The following DPP10 variants were observed in gnomAD, a reference collection of about 807,000 sequenced individuals.
DPP10 encodes the protein dipeptidyl peptidase like 10, also known as inactive dipeptidyl peptidase 10.
DPP10 carries 33 observed loss-of-function variants against 120.9 expected under a neutral mutation model. The observed-to-expected ratio is 0.27, with a 90% CI of 0.21 to 0.37. The LOEUF (loss-of-function observed/expected upper bound fraction) is 0.37. Ranked by LOEUF, DPP10 falls within the 10% of genes least tolerant of loss-of-function variation. The probability of loss-of-function intolerance (pLI) is 1.00; values close to 1 mark genes in which losing one functional copy is unlikely to be tolerated. For synonymous variants in DPP10, 337 were observed against 326.1 expected, an observed-to-expected ratio of 1.03 and a Z score of -0.36; for missense variants, 816 against 942.8, an observed-to-expected ratio of 0.87 and a Z score of 1.76.
At chr2:114,554,190 C>T (rs1269918986) in intron 1 of DPP10, among the ~76,000 whole-genome samples, 1 of 152,208 alleles carries the variant, frequency 6.6e-6, no homozygotes, top group African/African-American at 2.4e-5. Flanking sequence ...CTGACCCACC[C>T]CAGCCCCTAG....
intron 1 of DPP10, among the ~76,000 whole-genome samples, chr2:114,932,883 T>C (rs1696185342): frequency 6.6e-6 from 1 of 152,204 alleles, no homozygotes; most frequent in South Asian, 2.1e-4. Flanking sequence ...GCCTCACTCC[T>C]ACTACTTACT....
intron 1 of DPP10, among the ~76,000 whole-genome samples, chr2:114,762,985 G>T (rs2106109792): frequency 6.6e-6 from 1 of 152,240 alleles, no homozygotes; most frequent in Non-Finnish European, 1.5e-5. Flanking sequence ...ATATGTCATT[G>T]GGAGATTGGG....
At position 115,343,997 on chromosome 2, in the gene DPP10, G is replaced by A. The variant is rs146872459; in HGVS notation, c.271+85G>A. The stretch of plus-strand genomic sequence containing the variant: ...AAAAAATGAGATGTGTAAGCTGGGC[G>A]CAATGGCTTATGCCTGTCATCCCAG... On this transcript the variant is annotated intron_variant, in intron 3 of 25. Coordinates refer to ENST00000410059, the MANE Select transcript of DPP10 (RefSeq NM_020868.6). 38 of 1,115,956 alleles carry A rather than the reference G, an allele frequency of 3.4e-5. No individual in the cohort carries two copies. The East Asian group carries it at 5.7e-4, about 17-fold the overall frequency. 69.1% of individuals were successfully genotyped at this position (1,115,956 alleles called of 1,614,324 possible).
At chr2:114,978,688 C>T (rs894344578) in intron 1 of DPP10, among the ~76,000 whole-genome samples, 1 of 152,034 alleles carries the variant, frequency 6.6e-6, no homozygotes, top group Non-Finnish European at 1.5e-5. Flanking sequence ...CTGTAGAAGA[C>T]CCTTTAAATA....
At chr2:115,253,171 G>T (rs1392067054) in intron 1 of DPP10, among the ~76,000 whole-genome samples, 2 of 152,106 alleles carry the variant, frequency 1.3e-5, no homozygotes, top group East Asian at 3.9e-4. Context: ...GCAGGAGAGG[G>T]AGTGGGGGAG....
At chr2:115,617,163 C>G (rs1007486639) in intron 5 of DPP10, among the ~76,000 whole-genome samples, 3 of 149,464 alleles carry the variant, frequency 2.0e-5, no homozygotes, top group South Asian at 2.1e-4. Flanking sequence ...GAGGCTTATA[C>G]AGTAGTTACC....
chr2:114,897,600 T>A (rs1395900137), intron 1 of DPP10, among the ~76,000 whole-genome samples: 2 of 151,910 alleles, frequency 1.3e-5, no homozygotes, highest in Non-Finnish European at 2.9e-5. Context: ...CCTACTCATC[T>A]GACAAAGGGC....
intron 1 of DPP10, among the ~76,000 whole-genome samples, chr2:114,694,448 C>A (rs1229339866): frequency 6.6e-6 from 1 of 151,830 alleles, no homozygotes; most frequent in Non-Finnish European, 1.5e-5. Context: ...GAAATCAACA[C>A]TATGAACTCA....
chr2:114,978,202 C>A (rs1198001858), intron 1 of DPP10, among the ~76,000 whole-genome samples: 7 of 152,108 alleles, frequency 4.6e-5, no homozygotes, highest in Admixed American at 3.9e-4. Context: ...TATTTCCTGT[C>A]CAATATGGTT....
chr2:115,081,863 T>C (rs1449105419), intron 1 of DPP10, among the ~76,000 whole-genome samples: 3 of 152,226 alleles, frequency 2.0e-5, no homozygotes, highest in Non-Finnish European at 2.9e-5. Flanking sequence ...TCTCAGTTTA[T>C]CAAGAAGGAG....
intron 5 of DPP10, among the ~76,000 whole-genome samples, chr2:115,580,538 T>G (rs2081950234): frequency 6.6e-6 from 1 of 152,168 alleles, no homozygotes; most frequent in South Asian, 2.1e-4. Flanking sequence ...ATCTTCCTCT[T>G]CACATGTGCT....
At chr2:115,162,074 C>A in intron 1 of DPP10, 1 of 1,477,620 alleles carries the variant, frequency 6.8e-7, no homozygotes, top group Non-Finnish European at 9.0e-7. Context: ...AGGGGTGGCT[C>A]CAGTGCGCGC....
chr2:115,161,472 G>A (rs1454061954), intron 1 of DPP10: 1 of 151,542 alleles, frequency 6.6e-6, no homozygotes, highest in Non-Finnish European at 1.5e-5. Context: ...GCGCCGCTCC[G>A]GGCTCTCCCC....
chr2:114,700,014 A>G (rs1700296414), intron 1 of DPP10, among the ~76,000 whole-genome samples: 1 of 152,020 alleles, frequency 6.6e-6, no homozygotes, highest in African/African-American at 2.4e-5. Context: ...GGCTGTACTG[A>G]TTCTGTGGCT....
At chr2:114,650,984 A>C (rs1696539897) in intron 1 of DPP10, among the ~76,000 whole-genome samples, 1 of 152,124 alleles carries the variant, frequency 6.6e-6, no homozygotes, top group African/African-American at 2.4e-5. Context: ...TTTTCTTAGA[A>C]ATACTTAGGG....
At chr2:114,709,818 G>A (rs1215986031) in intron 1 of DPP10, among the ~76,000 whole-genome samples, 3 of 152,112 alleles carry the variant, frequency 2.0e-5, no homozygotes, top group Admixed American at 6.5e-5. Flanking sequence ...ATCCCTGAAA[G>A]CCTATTATCT....
At chr2:115,306,359 T>C (rs531673198) in intron 1 of DPP10, among the ~76,000 whole-genome samples, 22 of 152,054 alleles carry the variant, frequency 1.4e-4, no homozygotes, top group Admixed American at 1.4e-3. Context: ...AATGGTGATG[T>C]GAAGGTTGAA....
chr2:115,453,278 A>G (rs2073262535), intron 3 of DPP10, among the ~76,000 whole-genome samples: 1 of 151,528 alleles, frequency 6.6e-6, no homozygotes, highest in South Asian at 2.1e-4. Flanking sequence ...TGCTAGAAGG[A>G]ACTCATACAT....
chr2:114,759,687 G>A (rs1680104912), intron 1 of DPP10, among the ~76,000 whole-genome samples: 1 of 151,786 alleles, frequency 6.6e-6, no homozygotes, highest in African/African-American at 2.4e-5. Context: ...ATTTATAAGT[G>A]TTTAGGCAGC....
Sources: gnomAD v4.1 joint callset for allele counts (sites outside exome capture counted in the v4.1 genomes callset) on GRCh38, gnomAD v4.1.1 for gene constraint, MANE v1.5 for transcripts, NCBI Gene and HGNC (gene_info 2026-07-23, HGNC 2026-07-21) for gene names.